Variants in SP100 observed in about 807,000 individuals in gnomAD.
The protein encoded by SP100 is SP100 nuclear body protein.
In SP100, 84 loss-of-function variants were observed where a neutral mutation model predicts 130.0. The observed-to-expected ratio is 0.65, with a 90% confidence interval of 0.54 to 0.77. The LOEUF (loss-of-function observed/expected upper bound fraction) is 0.77, where lower values mean the gene tolerates loss of function less well. Among genes scored for constraint, SP100 ranks in the 30% least tolerant of loss-of-function variants. The probability of loss-of-function intolerance (pLI) is 0.00; values close to 1 mark genes in which losing one functional copy is unlikely to be tolerated. For synonymous variants in SP100, 331 were observed against 351.7 expected (o/e 0.94, Z 0.66); for missense variants, 978 against 1,052.2 (o/e 0.93, Z 0.97).
chr2:230,496,058 A>C (rs2066650432), intron 18 of SP100, among the ~76,000 whole-genome samples: 1 of 152,102 alleles, frequency 6.6e-6, no homozygotes, highest in African/African-American at 2.4e-5. Flanking sequence ...TTCTATACCT[A>C]TCTGTCATCT....
intron 17 of SP100, among the ~76,000 whole-genome samples, chr2:230,476,080 G>A (rs1436764379): frequency 2.6e-5 from 4 of 152,062 alleles, no homozygotes; most frequent in Admixed American, 2.6e-4. Context: ...GAAAAATGAC[G>A]CTTTTATTTT....
At chr2:230,493,014 G>A (rs2066471060) in intron 17 of SP100, among the ~76,000 whole-genome samples, 1 of 152,082 alleles carries the variant, frequency 6.6e-6, no homozygotes, top group South Asian at 2.1e-4. Context: ...CAATAAATTT[G>A]TTGGAAATAT....
chr2:230,432,580 T>C (rs1260605480), intron 2 of SP100, among the ~76,000 whole-genome samples: 1 of 152,218 alleles, frequency 6.6e-6, no homozygotes, highest in Non-Finnish European at 1.5e-5. Context: ...TGTTGTGGTT[T>C]GATTTGCTTT....
At chr2:230,466,744 C>T (rs2064978369) in intron 12 of SP100, among the ~76,000 whole-genome samples, 1 of 151,930 alleles carries the variant, frequency 6.6e-6, no homozygotes, top group Non-Finnish European at 1.5e-5. Flanking sequence ...TCATGGTTGC[C>T]CTGAGAGAGA....
In SP100 at chr2:230,540,938, A is replaced by T; in HGVS notation, c.2273A>T (p.Gln758Leu). The change falls in exon 26 of 29, where the codon CAA becomes CTA. Residue 758 changes from glutamine (Q) to leucine (L), a missense_variant. Gln to Leu is a moderately radical substitution (Grantham distance 113). Transcript: ENST00000340126. ...ATTCAGGAAAGATGCCCAGAAAGCCAATCAGGTCATCAGGAATCTGAAGTC... is the reference window on the plus strand; with the variant it reads ...ATTCAGGAAAGATGCCCAGAAAGCCTATCAGGTCATCAGGAATCTGAAGTC... The part of the protein sequence containing the change: ...KTIQERCPES[Q>L]SGHQESEVLM... 1 of 1,613,866 alleles carries T rather than the reference A, an allele frequency of 6.2e-7. No individual in the cohort carries two copies. The highest frequency in any genetic ancestry group is 2.2e-5 in the East Asian group (1 of 44,878).
intron 5 of SP100, among the ~76,000 whole-genome samples, chr2:230,447,142 A>G (rs908027918): frequency 9.2e-5 from 14 of 152,178 alleles, no homozygotes; most frequent in African/African-American, 3.1e-4. Flanking sequence ...ACAGATGCCG[A>G]CTACCTAGAA....
At chr2:230,464,369 C>T (rs1201930341) in intron 11 of SP100, among the ~76,000 whole-genome samples, 2 of 152,096 alleles carry the variant, frequency 1.3e-5, no homozygotes, top group Admixed American at 6.6e-5. Flanking sequence ...TTGGTTCAAT[C>T]GATTGATACA....
At chr2:230,425,119 A>G (rs766606981) in intron 2 of SP100, among the ~76,000 whole-genome samples, 11 of 152,244 alleles carry the variant, frequency 7.2e-5, no homozygotes, top group Admixed American at 5.9e-4. Context: ...TAACATATCC[A>G]TCATGTCACA....
chr2:230,512,614 G>A (rs1690681457), intron 24 of SP100, among the ~76,000 whole-genome samples: 2 of 152,058 alleles, frequency 1.3e-5, no homozygotes, highest in Middle Eastern at 3.2e-3. Flanking sequence ...TATAGCAGAG[G>A]TCCCCAAACT....
chr2:230,416,995 G>C (rs2062617529), intron 1 of SP100: 1 of 472,238 alleles, frequency 2.1e-6, no homozygotes, highest in Non-Finnish European at 2.8e-6. Context: ...AGTGAGTTGA[G>C]AAATAACATT....
chr2:230,509,148 T>C (rs948518972), intron 23 of SP100: 7 of 152,212 alleles, frequency 4.6e-5, no homozygotes, highest in Non-Finnish European at 1.0e-4. Context: ...GTGGAGGTAG[T>C]ATGTGGAGTT....
At chr2:230,456,860 G>A (rs1021909634) in intron 8 of SP100, among the ~76,000 whole-genome samples, 17 of 152,146 alleles carry the variant, frequency 1.1e-4, no homozygotes, top group Admixed American at 9.8e-4. Context: ...GGTTTGCTGA[G>A]ATTCCTTAAA....
At chr2:230,423,369 G>A (rs1053788520) in intron 2 of SP100, among the ~76,000 whole-genome samples, 3 of 151,808 alleles carry the variant, frequency 2.0e-5, no homozygotes, top group African/African-American at 7.3e-5. Context: ...TCCTACCATT[G>A]TTTATTATTG....
intron 18 of SP100, among the ~76,000 whole-genome samples, chr2:230,497,050 C>A (rs907527756): frequency 1.1e-4 from 16 of 152,126 alleles, no homozygotes; most frequent in Non-Finnish European, 1.9e-4. Flanking sequence ...TGGTGTTAAC[C>A]TTTAGTATTT....
intron 2 of SP100, among the ~76,000 whole-genome samples, chr2:230,431,403 G>A (rs1440752660): frequency 6.6e-6 from 1 of 152,202 alleles, no homozygotes; most frequent in Non-Finnish European, 1.5e-5. Flanking sequence ...CCAGCCTGGG[G>A]TAGGAGCAAC....
At chr2:230,532,597 T>A (rs1429441490) in intron 24 of SP100, among the ~76,000 whole-genome samples, 1 of 151,702 alleles carries the variant, frequency 6.6e-6, no homozygotes, top group Admixed American at 6.6e-5. Flanking sequence ...CACTGTTGAG[T>A]CTTTCATGTG....
chr2:230,436,186 A>G (rs6722012), intron 2 of SP100, among the ~76,000 whole-genome samples: 102,325 of 152,052 alleles, frequency 0.67, 35,572 homozygotes, highest in African/African-American at 0.76. Context: ...TCTTCATACA[A>G]GTCTCATACC....
chr2:230,468,817 C>CA (rs10617635), intron 13 of SP100: 17,773 of 147,608 alleles, frequency 0.12, 1,708 homozygotes, highest in African/African-American at 0.19. Flanking sequence ...GACCCTGTCT[C>CA]AAAAAAAAAA....
intron 2 of SP100, among the ~76,000 whole-genome samples, chr2:230,431,142 C>T (rs1411291305): frequency 6.6e-6 from 1 of 152,256 alleles, no homozygotes; most frequent in Non-Finnish European, 1.5e-5. Flanking sequence ...GTGCTGATGT[C>T]AGGAGCACAG....
Sources: gnomAD v4.1 joint callset for allele counts (sites outside exome capture counted in the v4.1 genomes callset) on GRCh38, gnomAD v4.1.1 for gene constraint, MANE v1.5 for transcripts, NCBI Gene and HGNC (gene_info 2026-07-23, HGNC 2026-07-21) for gene names.